The following PRUNE2 variants were observed in gnomAD, a reference collection of about 807,000 sequenced individuals.
The protein encoded by PRUNE2 is prune homolog 2 with BCH domain, also known as protein prune homolog 2.
In PRUNE2, 164 loss-of-function variants were observed where a neutral mutation model predicts 252.0. That is an observed-to-expected ratio of 0.65 (90% CI 0.57 to 0.74). PRUNE2 has a LOEUF of 0.74. Among genes scored for constraint, PRUNE2 ranks in the 30% least tolerant of loss-of-function variants. The pLI is 0.00. For missense variants in PRUNE2, 3,495 were observed against 3,711.0 expected (o/e 0.94, Z 1.51); for synonymous variants, 1,292 against 1,350.2 (o/e 0.96, Z 0.94).
At chr9:76,820,690 C>G (rs961124939) in intron 6 of PRUNE2, among the ~76,000 whole-genome samples, 5 of 152,186 alleles carry the variant, frequency 3.3e-5, no homozygotes, top group African/African-American at 1.2e-4. Context: ...AAGCCTCCCA[C>G]TCCGTTTTTG....
In PRUNE2 at chr9:76,637,538, C is replaced by T. The variant is rs1840695719; in HGVS notation, c.8843G>A (p.Ser2948Asn). Residue 2948 changes from serine to asparagine, a missense_variant, in exon 14 of 19, where the codon AGT becomes AAT. By Grantham distance (46) the Ser-to-Asn change is conservative. Transcript: ENST00000376718. ...TTCAGCTACCATCAACTCTAAAGTA[C>T]TTATTACATATCTGATCACAGGAAG... Reference protein sequence around the residue: ...VMENLFLYVISTLELMVAEDY... With the variant: ...VMENLFLYVINTLELMVAEDY... 1 of 1,612,834 alleles carries T rather than the reference C, an allele frequency of 6.2e-7. No homozygotes were observed. The highest frequency in any genetic ancestry group is 2.2e-5 in the East Asian group (1 of 44,836).
At chr9:76,733,925 GTTT>G (rs930737635) in intron 6 of PRUNE2, among the ~76,000 whole-genome samples, 2 of 106,828 alleles carry the variant, frequency 1.9e-5, no homozygotes, top group African/African-American at 3.8e-5. Context: ...AGTTTTAGTT[GTTT>G]TTTTTTTTTC....
intron 6 of PRUNE2, chr9:76,737,431 G>A (rs867932836): frequency 1.3e-5 from 2 of 152,336 alleles, no homozygotes; most frequent in South Asian, 2.1e-4. Context: ...TGGAGTGCAT[G>A]ACCATACAAA....
intron 6 of PRUNE2, among the ~76,000 whole-genome samples, chr9:76,735,213 T>C (rs2048971930): frequency 2.6e-5 from 4 of 152,226 alleles, no homozygotes; most frequent in South Asian, 4.2e-4. Context: ...TTAAGCAAAA[T>C]TGAGTTGAAT....
chr9:76,644,870 G>C lies in PRUNE2; in HGVS notation c.8597C>G (p.Ser2866Cys), dbSNP rs771931058. ...CTCTTCGGCCGTATATTCTGGAATA[G>C]ACTCTGACTCTTGGCCAGAATCTTT... ...ANKDSGQESE[S>C]IPEYTAEEER... Residue 2866 changes from serine to cysteine, a missense_variant, in exon 12 of 19, where the codon TCT becomes TGT. Coordinates refer to ENST00000376718, the MANE Select transcript of PRUNE2 (RefSeq NM_015225.3). 6.2e-7 allele frequency: 1 copy of C among 1,613,886 alleles called. No homozygotes were observed. Among genetic ancestry groups the C allele is most frequent in the East Asian group, 2.2e-5 (1 of 44,866 alleles).
intron 9 of PRUNE2, among the ~76,000 whole-genome samples, chr9:76,687,237 G>A (rs1281004189): frequency 6.6e-6 from 1 of 152,114 alleles, no homozygotes; most frequent in Non-Finnish European, 1.5e-5. Context: ...CCTACCTCAT[G>A]CTCAGCTGCT....
chr9:76,893,014 T>A (rs1394415757), intron 1 of PRUNE2, among the ~76,000 whole-genome samples: 1 of 152,188 alleles, frequency 6.6e-6, no homozygotes, highest in Admixed American at 6.5e-5. Flanking sequence ...AGATCCTTCA[T>A]GACAAAGAAC....
chr9:76,790,921 T>C (rs7026661), intron 6 of PRUNE2, among the ~76,000 whole-genome samples: 8,013 of 152,272 alleles, frequency 0.053, 534 homozygotes, highest in African/African-American at 0.16. Flanking sequence ...ACCAAACTTT[T>C]TGAAGTCAAG....
At chr9:76,854,229 AC>A in intron 1 of PRUNE2, 21 bp from the exon 2 acceptor site, 1 of 1,382,138 alleles carries the variant, frequency 7.2e-7, no homozygotes, top group Non-Finnish European at 1.0e-6. Flanking sequence ...TTCAAAGGAA[AC>A]ATCACAATTT....
At chr9:76,760,874 C>T (rs1420826360) in intron 6 of PRUNE2, among the ~76,000 whole-genome samples, 2 of 151,950 alleles carry the variant, frequency 1.3e-5, no homozygotes, top group Non-Finnish European at 2.9e-5. Context: ...TCACTTGAGG[C>T]CAGAAGTTCG....
chr9:76,874,795 T>C (rs1384809207), intron 1 of PRUNE2, among the ~76,000 whole-genome samples: 2 of 152,088 alleles, frequency 1.3e-5, no homozygotes, highest in Non-Finnish European at 2.9e-5. Flanking sequence ...AAGGGTAGAA[T>C]GAGTTTGCAG....
At chr9:76,822,137 T>C (rs1057336465) in intron 6 of PRUNE2, among the ~76,000 whole-genome samples, 5 of 152,188 alleles carry the variant, frequency 3.3e-5, no homozygotes, top group Admixed American at 3.3e-4. Context: ...GAGTTCTAAT[T>C]GATGGTGATT....
chr9:76,804,658 T>C (rs1414069700), intron 6 of PRUNE2, among the ~76,000 whole-genome samples: 3 of 152,196 alleles, frequency 2.0e-5, no homozygotes, highest in Non-Finnish European at 2.9e-5. Flanking sequence ...GCTGACTTCC[T>C]GTTAGTTTCA....
At chr9:76,755,703 GT>G (rs148813008) in intron 6 of PRUNE2, among the ~76,000 whole-genome samples, 3,491 of 152,168 alleles carry the variant, frequency 0.023, 60 homozygotes, top group Non-Finnish European at 0.03. Flanking sequence ...ACCATACTTT[GT>G]TTTTGTTTCT....
At chr9:76,843,847 G>C (rs1382586711) in intron 4 of PRUNE2, among the ~76,000 whole-genome samples, 1 of 150,738 alleles carries the variant, frequency 6.6e-6, no homozygotes, top group African/African-American at 2.4e-5. Flanking sequence ...TCCCGCCTCA[G>C]CCTCCCAAGT....
intron 1 of PRUNE2, among the ~76,000 whole-genome samples, chr9:76,892,798 T>C (rs1428253529): frequency 6.6e-6 from 1 of 152,254 alleles, no homozygotes; most frequent in African/African-American, 2.4e-5. Flanking sequence ...ATGGGTAATT[T>C]TTCAGCTTTC....
At chr9:76,823,578 C>T (rs994163899) in intron 6 of PRUNE2, 54 bp downstream of exon 6, 4 of 1,012,408 alleles carry the variant, frequency 4.0e-6, no homozygotes, top group Non-Finnish European at 6.3e-6. Flanking sequence ...TCCAGTTGCT[C>T]AGACTGCAAT....
At chr9:76,904,260 T>C (rs1162353136) in intron 1 of PRUNE2, among the ~76,000 whole-genome samples, 2 of 152,062 alleles carry the variant, frequency 1.3e-5, no homozygotes, top group South Asian at 2.1e-4. Context: ...TGTAGAGCAA[T>C]TGCTCGTCTA....
chr9:76,766,687 A>C (rs545587918), intron 6 of PRUNE2, among the ~76,000 whole-genome samples: 1 of 152,194 alleles, frequency 6.6e-6, no homozygotes, highest in Non-Finnish European at 1.5e-5. Context: ...CGTCTTCTTC[A>C]AACATGTCAA....
Sources: allele counts gnomAD v4.1 joint callset (sites outside exome capture counted in the v4.1 genomes callset), GRCh38; gene constraint gnomAD v4.1.1; transcripts MANE v1.5; gene names NCBI Gene and HGNC (gene_info 2026-07-23, HGNC 2026-07-21).